The following KIAA0825 variants were observed in gnomAD, a reference collection of about 807,000 sequenced individuals.
KIAA0825 encodes uncharacterized protein KIAA0825.
In KIAA0825, 119 loss-of-function variants were observed where a neutral mutation model predicts 147.6. That is an observed-to-expected ratio of 0.81 (90% CI 0.69 to 0.94). KIAA0825 has a LOEUF of 0.94. KIAA0825 is among the 40% of genes least tolerant of loss of function. The pLI is 0.00. For missense variants in KIAA0825, 1,381 were observed against 1,472.7 expected (o/e 0.94, Z 1.02); for synonymous variants, 470 against 518.1 (o/e 0.91, Z 1.26).
chr5:94,585,042 A>C (rs565628782), intron 1 of KIAA0825, among the ~76,000 whole-genome samples: 1 of 152,348 alleles, frequency 6.6e-6, no homozygotes, highest in Non-Finnish European at 1.5e-5. Flanking sequence ...TGAAGGAAGC[A>C]CTAAACATGG....
chr5:94,548,623 C>A (rs1482507731), intron 2 of KIAA0825, among the ~76,000 whole-genome samples: 3 of 152,042 alleles, frequency 2.0e-5, no homozygotes, highest in Non-Finnish European at 4.4e-5. Context: ...CATACAGTGG[C>A]TGAATGGATA....
rs771517902 is a variant in KIAA0825, at chr5:94,524,025, T to G, written c.205A>C (p.Thr69Pro). The G allele has an allele frequency of 6.2e-7, 1 of 1,610,028 alleles. No homozygotes were observed. Among genetic ancestry groups the G allele is most frequent in the African/African-American group, 1.3e-5 (1 of 74,758 alleles). Reference sequence around the variant, plus strand: ...TTAGTTAGCCATTCAAAGCAGTCAGTTGTTGTTTGCAGCTGCACACCTGGA... The same window carrying G: ...TTAGTTAGCCATTCAAAGCAGTCAGGTGTTGTTTGCAGCTGCACACCTGGA... ...QCPGVQLQTTTDCFEWLTNYN... is the reference protein window; with the variant it reads ...QCPGVQLQTTPDCFEWLTNYN... The change falls in exon 4 of 21, where the codon ACT (threonine) becomes CCT (proline). Residue 69 changes from threonine to proline, a missense_variant. Thr to Pro is a conservative substitution (Grantham distance 38). Coordinates refer to ENST00000682413, the MANE Select transcript of KIAA0825 (RefSeq NM_001145678.3).
At chr5:94,320,027 C>A in intron 20 of KIAA0825, among the ~76,000 whole-genome samples, 1 of 151,944 alleles carries the variant, frequency 6.6e-6, no homozygotes, top group Non-Finnish European at 1.5e-5. Context: ...ATGCTGTTCC[C>A]TATGCATGAT....
At position 94,403,705 on chromosome 5, in the gene KIAA0825, T is replaced by C; in HGVS notation, c.2751A>G (p.Ile917Met). The change falls in exon 16 of 21, where the codon ATA becomes ATG. Residue 917 changes from isoleucine to methionine, a missense_variant. Coordinates refer to ENST00000682413, the MANE Select transcript of KIAA0825 (RefSeq NM_001145678.3). ...TTCTCCTAGAACTCATTACAGATAC[T>C]ATCTGCTGTACAGTGTCCTTGATGG... ...TDAIKDTVQQ[I>M]VSVMSSRRNC... 1.3e-6 allele frequency: 2 copies of C among 1,551,594 alleles called. No individual in the cohort carries two copies. The highest frequency in any genetic ancestry group is 1.7e-6 in the Non-Finnish European group (2 of 1,146,904).
chr5:94,539,577 C>A lies in KIAA0825; in HGVS notation c.-1-2450G>T, dbSNP rs550051832. Among the ~76,000 whole-genome samples, 37 of 152,198 alleles carry A rather than the reference C, an allele frequency of 2.4e-4. 1 individual carries two copies. The South Asian group carries it at 4.4e-3, about 18-fold the overall frequency. ...AAAGGGATGATACTGAAGAAACCCC[C>A]CAATCCAAAGGAAATGGACCACAGC... On this transcript the variant is annotated intron_variant, in intron 2 of 20. Coordinates refer to ENST00000682413, the MANE Select transcript of KIAA0825 (RefSeq NM_001145678.3).
intron 20 of KIAA0825, among the ~76,000 whole-genome samples, chr5:94,376,515 T>G (rs1048751403): frequency 2.0e-5 from 3 of 152,210 alleles, no homozygotes; most frequent in African/African-American, 4.8e-5. Context: ...ATTAGTTTGT[T>G]TGGTTCATGT....
intron 20 of KIAA0825, among the ~76,000 whole-genome samples, chr5:94,199,349 G>C (rs1203557333): frequency 6.6e-6 from 1 of 152,166 alleles, no homozygotes; most frequent in East Asian, 1.9e-4. Flanking sequence ...TCTAACCCTG[G>C]GGGGCAGGGA....
chr5:94,220,244 T>G (rs1464777558), intron 20 of KIAA0825, among the ~76,000 whole-genome samples: 1 of 152,196 alleles, frequency 6.6e-6, no homozygotes, highest in Non-Finnish European at 1.5e-5. Context: ...CTTCTACATC[T>G]TATCCCACTG....
chr5:94,591,421 G>A (rs1784333573), intron 1 of KIAA0825, among the ~76,000 whole-genome samples: 1 of 152,158 alleles, frequency 6.6e-6, no homozygotes, highest in African/African-American at 2.4e-5. Context: ...ATAAATGCAA[G>A]AAATGATATG....
intron 1 of KIAA0825, chr5:94,618,227 C>A (rs1286402963): frequency 6.6e-6 from 1 of 152,290 alleles, no homozygotes; most frequent in African/African-American, 2.4e-5. Context: ...CGCCGAGTCA[C>A]GGTACACGGT....
chr5:94,224,311 G>C (rs1378005241), intron 20 of KIAA0825, among the ~76,000 whole-genome samples: 1 of 151,424 alleles, frequency 6.6e-6, no homozygotes, highest in Admixed American at 6.6e-5. Flanking sequence ...AGCCAGGCTG[G>C]TCTCGAACTC....
At chr5:94,490,162 T>C (rs1035423018) in intron 5 of KIAA0825, among the ~76,000 whole-genome samples, 1 of 152,122 alleles carries the variant, frequency 6.6e-6, no homozygotes, top group African/African-American at 2.4e-5. Flanking sequence ...ATGATTTCCA[T>C]GAGGCCAAAG....
chr5:94,325,828 G>A (rs552019500), intron 20 of KIAA0825, among the ~76,000 whole-genome samples: 1 of 151,864 alleles, frequency 6.6e-6, no homozygotes, highest in East Asian at 1.9e-4. Context: ...TTAAAATTAC[G>A]GAGGGAGTTG....
At chr5:94,227,600 A>G (rs1326618796) in intron 20 of KIAA0825, among the ~76,000 whole-genome samples, 2 of 152,028 alleles carry the variant, frequency 1.3e-5, no homozygotes, top group African/African-American at 4.8e-5. Flanking sequence ...ATTAAAAAAA[A>G]AAGAAAATAT....
At chr5:94,201,638 G>A (rs1172054271) in intron 20 of KIAA0825, among the ~76,000 whole-genome samples, 5 of 150,248 alleles carry the variant, frequency 3.3e-5, no homozygotes, top group Non-Finnish European at 5.9e-5. Context: ...TGGTAGAGAC[G>A]AGGTATTGCT....
intron 20 of KIAA0825, among the ~76,000 whole-genome samples, chr5:94,352,814 G>C (rs974281558): frequency 7.2e-5 from 11 of 152,196 alleles, no homozygotes; most frequent in African/African-American, 2.7e-4. Context: ...TCTAAGTGAA[G>C]TAACTCAGGA....
At chr5:94,602,800 C>G (rs939123053) in intron 1 of KIAA0825, among the ~76,000 whole-genome samples, 1 of 151,848 alleles carries the variant, frequency 6.6e-6, no homozygotes, top group South Asian at 2.1e-4. Context: ...TAAACCTCCT[C>G]CCTTTGTAAA....
At chr5:94,470,242 C>A in intron 9 of KIAA0825, 131 bp from the exon 10 acceptor site, 2 of 547,724 alleles carry the variant, frequency 3.7e-6, no homozygotes, top group Non-Finnish European at 2.8e-6. Context: ...CTGAAGTCTG[C>A]ATCCACATTC....
At chr5:94,547,736 C>CAAAAAAAA (rs144612994) in intron 2 of KIAA0825, among the ~76,000 whole-genome samples, 27 of 127,678 alleles carry the variant, frequency 2.1e-4, no homozygotes, top group African/African-American at 8.5e-4. Context: ...GACTCCCTTT[C>CAAAAAAAA]AAAAAAAAAA....
Sources: gnomAD v4.1 joint callset for allele counts (sites outside exome capture counted in the v4.1 genomes callset) on GRCh38, gnomAD v4.1.1 for gene constraint, MANE v1.5 for transcripts, NCBI Gene and HGNC (gene_info 2026-07-23, HGNC 2026-07-21) for gene names.